RETREG1: variants seen among roughly 807,000 people sequenced by gnomAD.
RETREG1 encodes the protein family with sequence similarity 134 member B.
In RETREG1, 44 loss-of-function variants were observed where a neutral mutation model predicts 54.8. The ratio of observed to expected loss-of-function variants is 0.80; its 90% CI spans 0.63 to 1.03. The LOEUF (loss-of-function observed/expected upper bound fraction) is 1.03. Ranked by LOEUF, RETREG1 falls within the 50% of genes least tolerant of loss-of-function variation. The pLI, the probability that RETREG1 is intolerant of heterozygous loss-of-function variation, is 0.00. For missense variants in RETREG1, 554 were observed against 605.1 expected (o/e 0.92, Z 0.89); for synonymous variants, 217 against 238.5 (o/e 0.91, Z 0.83).
intron 3 of RETREG1, among the ~76,000 whole-genome samples, chr5:16,564,830 C>T (rs1297128747): frequency 2.0e-5 from 3 of 152,218 alleles, no homozygotes; most frequent in Non-Finnish European, 4.4e-5. Context: ...TGAAATTAAC[C>T]TTTCCAGCTG....
intron 1 of RETREG1, among the ~76,000 whole-genome samples, chr5:16,602,185 G>A (rs750159357): frequency 5.9e-5 from 9 of 152,150 alleles, no homozygotes; most frequent in Non-Finnish European, 8.8e-5. Flanking sequence ...TCAAGAACTC[G>A]TGATAAATGT....
At chr5:16,489,082 C>CAAAAAAAAAAAAAAAAAA (rs567475517) in intron 3 of RETREG1, among the ~76,000 whole-genome samples, 1 of 62,934 alleles carries the variant, frequency 1.6e-5, no homozygotes, top group Non-Finnish European at 2.8e-5. Context: ...GATTCTGTCT[C>CAAAAAAAAAAAAAAAAAA]AAAAAAAAAA....
chr5:16,535,083 A>G (rs989289869), intron 3 of RETREG1, among the ~76,000 whole-genome samples: 3 of 152,260 alleles, frequency 2.0e-5, no homozygotes, highest in East Asian at 1.9e-4. Flanking sequence ...AGAAGCTGCT[A>G]TGAGAAGCTG....
intron 1 of RETREG1, among the ~76,000 whole-genome samples, chr5:16,587,574 G>A (rs1404642693): frequency 6.6e-6 from 1 of 152,130 alleles, no homozygotes; most frequent in Admixed American, 6.5e-5. Context: ...ATTCAGTTGT[G>A]GTCACCCACT....
In RETREG1 at chr5:16,501,359, C is replaced by T. The variant is rs113603834; in HGVS notation, c.459-17887G>A. Among the ~76,000 whole-genome samples the T allele has an allele frequency of 5.4e-3, 820 of 152,210 alleles. 9 individuals are homozygous for T. The highest frequency in any genetic ancestry group is 0.018 in the African/African-American group (763 of 41,520). On this transcript the variant is annotated intron_variant, in intron 3 of 8. Coordinates refer to ENST00000306320, the MANE Select transcript of RETREG1 (RefSeq NM_001034850.3). ...GCATTGCATGGTTCTAAAACCCATG[C>T]TCACAGTCACCCAGCAGAATGGTTA... is the stretch of plus-strand genomic sequence containing the variant.
intron 3 of RETREG1, among the ~76,000 whole-genome samples, chr5:16,487,485 A>G (rs1739063828): frequency 6.6e-6 from 1 of 152,182 alleles, no homozygotes; most frequent in Non-Finnish European, 1.5e-5. Context: ...TAGCCAGTCC[A>G]GTTCAAGTAG....
At chr5:16,519,003 A>C (rs1740446488) in intron 3 of RETREG1, among the ~76,000 whole-genome samples, 1 of 152,202 alleles carries the variant, frequency 6.6e-6, no homozygotes, top group South Asian at 2.1e-4. Context: ...TTCTGGAACA[A>C]AGTGGAAGAG....
In RETREG1 at chr5:16,527,800, A is replaced by ATTTTTTTTTTTTTTTTTTTTTTTTT. The variant is rs386403108; in HGVS notation, c.458+37938_458+37962dup. ...CTTAGTACAATTTCGAGGGACTCTA[A>ATTTTTTTTTTTTTTTTTTTTTTTTT]TTTTTTTTTTTTTTTTTTTTTTTTT... On this transcript the variant is annotated intron_variant, in intron 3 of 8. Coordinates refer to ENST00000306320, the MANE Select transcript of RETREG1 (RefSeq NM_001034850.3). Among the ~76,000 whole-genome samples the ATTTTTTTTTTTTTTTTTTTTTTTTT allele has an allele frequency of 2.1e-4, 14 of 66,262 alleles. 5 individuals carry two copies. The highest frequency in any genetic ancestry group is 3.5e-4 in the Non-Finnish European group (13 of 37,408). 43.5% of individuals were successfully genotyped at this position (66,262 alleles called of 152,430 possible).
In RETREG1 at chr5:16,571,984, G is replaced by T; in HGVS notation, c.427+12C>A. ...ATTAAATACCATATAAATAAAATCTGAGTATTCTTACCTCTTGTTCTAGAC... is the reference window on the plus strand; with the variant it reads ...ATTAAATACCATATAAATAAAATCTTAGTATTCTTACCTCTTGTTCTAGAC... On this transcript the variant is annotated intron_variant, in intron 2 of 8. Transcript: ENST00000306320. The T allele has an allele frequency of 6.4e-7, 1 of 1,568,054 alleles. No homozygotes were observed. The highest frequency in any genetic ancestry group is 8.8e-7 in the Non-Finnish European group (1 of 1,138,274).
At chr5:16,557,576 G>T (rs1220443877) in intron 3 of RETREG1, among the ~76,000 whole-genome samples, 1 of 152,188 alleles carries the variant, frequency 6.6e-6, no homozygotes, top group East Asian at 1.9e-4. Flanking sequence ...TTTCTTCGGA[G>T]AGAGAAAGAA....
chr5:16,551,223 T>C (rs1741531953), intron 3 of RETREG1, among the ~76,000 whole-genome samples: 1 of 152,052 alleles, frequency 6.6e-6, no homozygotes, highest in East Asian at 1.9e-4. Context: ...TTCTCAGCCC[T>C]CATCTCATCC....
At chr5:16,507,730 C>T (rs1740013395) in intron 3 of RETREG1, among the ~76,000 whole-genome samples, 1 of 152,208 alleles carries the variant, frequency 6.6e-6, no homozygotes, top group Admixed American at 6.5e-5. Context: ...GGATGCTTGT[C>T]TTTAATACAA....
rs116681705 is a variant in RETREG1 at position 16,580,623 on chromosome 5, T to C, written c.321-8521A>G. ...CCATGGAGGAATTCCGAAGGGAAAA[T>C]AGCCACACACAGGCTGTCAGAGGGC... is the stretch of plus-strand genomic sequence containing the variant. On this transcript the variant is annotated intron_variant, in intron 1 of 8. Transcript: ENST00000306320. Among the ~76,000 whole-genome samples, 643 of 152,008 alleles carry C rather than the reference T, an allele frequency of 4.2e-3. 4 individuals are homozygous for C. Among genetic ancestry groups the C allele is most frequent in the African/African-American group, 0.015 (606 of 41,442 alleles).
At chr5:16,570,491 C>T (rs1254885338) in intron 2 of RETREG1, among the ~76,000 whole-genome samples, 2 of 152,208 alleles carry the variant, frequency 1.3e-5, no homozygotes, top group African/African-American at 4.8e-5. Context: ...CACTCAGATG[C>T]TCAGCTTGCT....
intron 3 of RETREG1, among the ~76,000 whole-genome samples, chr5:16,551,003 T>G (rs1051622064): frequency 1.3e-5 from 2 of 152,218 alleles, no homozygotes; most frequent in Non-Finnish European, 2.9e-5. Flanking sequence ...GATGGAAATG[T>G]TCTGGAACTA....
chr5:16,596,079 T>C (rs1213976934), intron 1 of RETREG1, among the ~76,000 whole-genome samples: 1 of 152,238 alleles, frequency 6.6e-6, no homozygotes, highest in African/African-American at 2.4e-5. Flanking sequence ...CTGAGGGACC[T>C]TGGGACTTAG....
intron 1 of RETREG1, among the ~76,000 whole-genome samples, chr5:16,614,042 G>A (rs927355465): frequency 1.3e-5 from 2 of 152,184 alleles, no homozygotes; most frequent in Non-Finnish European, 2.9e-5. Context: ...ATACATGCAT[G>A]GAATGCAGAT....
At chr5:16,603,707 C>T (rs1743108536) in intron 1 of RETREG1, among the ~76,000 whole-genome samples, 2 of 149,366 alleles carry the variant, frequency 1.3e-5, no homozygotes, top group South Asian at 4.4e-4. Context: ...TTCAGCACAA[C>T]ATGTCGGTAC....
chr5:16,587,829 C>A (rs1742663278), intron 1 of RETREG1, among the ~76,000 whole-genome samples: 1 of 152,228 alleles, frequency 6.6e-6, no homozygotes, highest in African/African-American at 2.4e-5. Context: ...GGTTCTCCCG[C>A]AGCAAGCCTG....
Sources: gnomAD v4.1 joint callset for allele counts (sites outside exome capture counted in the v4.1 genomes callset) on GRCh38, gnomAD v4.1.1 for gene constraint, MANE v1.5 for transcripts, NCBI Gene and HGNC (gene_info 2026-07-23, HGNC 2026-07-21) for gene names.